PPP2R5E: variants seen among roughly 807,000 people sequenced by gnomAD.
PPP2R5E encodes the protein protein phosphatase 2 regulatory subunit B'epsilon, also known as serine/threonine-protein phosphatase 2A 56 kDa regulatory subunit epsilon isoform.
In PPP2R5E, 4 loss-of-function variants were observed where a neutral mutation model predicts 65.3. The observed-to-expected ratio is 0.06, with a 90% CI of 0.03 to 0.14. The LOEUF is 0.14. PPP2R5E is among the 10% of genes least tolerant of loss of function. The pLI is 1.00. For missense variants in PPP2R5E, 274 were observed against 556.1 expected, an observed-to-expected ratio of 0.49 and a Z score of 5.10; for synonymous variants, 183 against 187.4, an observed-to-expected ratio of 0.98 and a Z score of 0.19.
chr14:63,404,218 G>C (rs547177576), intron 5 of PPP2R5E, among the ~76,000 whole-genome samples: 2 of 152,142 alleles, frequency 1.3e-5, no homozygotes, highest in African/African-American at 4.8e-5. Flanking sequence ...AAAAGGTTTC[G>C]AGCAAAACAA....
At chr14:63,459,620 G>A (rs572194284) in intron 2 of PPP2R5E, among the ~76,000 whole-genome samples, 2 of 152,126 alleles carry the variant, frequency 1.3e-5, no homozygotes, top group African/African-American at 4.8e-5. Flanking sequence ...CTTTATTATT[G>A]TATTCAAAGA....
intron 5 of PPP2R5E, among the ~76,000 whole-genome samples, chr14:63,404,070 G>A (rs1219756991): frequency 2.0e-5 from 3 of 152,140 alleles, no homozygotes; most frequent in Admixed American, 6.5e-5. Context: ...ACTTAAGTGT[G>A]GTTACTTCTA....
At chr14:63,523,248 C>A (rs1186106127) in intron 2 of PPP2R5E, among the ~76,000 whole-genome samples, 1 of 151,940 alleles carries the variant, frequency 6.6e-6, no homozygotes, top group African/African-American at 2.4e-5. Context: ...ATGACAATGG[C>A]GGTTTTGTGG....
chr14:63,524,343 A>G (rs1893093385), intron 2 of PPP2R5E, among the ~76,000 whole-genome samples: 1 of 152,204 alleles, frequency 6.6e-6, no homozygotes, highest in Non-Finnish European at 1.5e-5. Flanking sequence ...TAAATGGCAA[A>G]CAGAGAGATG....
intron 3 of PPP2R5E, among the ~76,000 whole-genome samples, chr14:63,431,388 A>G (rs1887664321): frequency 6.6e-6 from 1 of 152,176 alleles, no homozygotes; most frequent in Non-Finnish European, 1.5e-5. Flanking sequence ...TGCCTAACAC[A>G]TTAAATATTT....
Position 63,371,897 on chromosome 14 carries a change from G to A in PPP2R5E, c.*4112C>T, listed in dbSNP as rs1883709647. 6.6e-6 allele frequency: 1 copy of A among 152,072 alleles called. No homozygotes were observed. The allele number at this position is 152,072 out of a possible 1,614,324, so 9.4% of individuals were successfully genotyped here. On this transcript the variant is annotated 3_prime_UTR_variant, in exon 14 of 14. Transcript: ENST00000337537. ...CGAAGTCCTCAAACCAAAAGCAACAGACATGTCATTCTCATTATACTTCAA... is the reference window on the plus strand; with the variant it reads ...CGAAGTCCTCAAACCAAAAGCAACAAACATGTCATTCTCATTATACTTCAA...
At chr14:63,538,118 C>CA (rs1566769827) in intron 2 of PPP2R5E, among the ~76,000 whole-genome samples, 1 of 152,026 alleles carries the variant, frequency 6.6e-6, no homozygotes, top group Non-Finnish European at 1.5e-5. Flanking sequence ...TCCATCTCTA[C>CA]AAAAAAATGG....
rs114671130 is a variant in PPP2R5E at position 63,397,079 on chromosome 14, T to A, written c.550-363A>T. On this transcript the variant is annotated intron_variant, in intron 5 of 13. Coordinates refer to ENST00000337537, the MANE Select transcript of PPP2R5E (RefSeq NM_006246.5). ...GAAGAGGAAACTGGGGCACATAGGGTTAAGTAACGTGCCCACGGTCTCACA... is the reference window on the plus strand; with the variant it reads ...GAAGAGGAAACTGGGGCACATAGGGATAAGTAACGTGCCCACGGTCTCACA... Among the ~76,000 whole-genome samples the A allele has an allele frequency of 9.5e-3, 1,444 of 152,240 alleles. 28 individuals carry two copies. Among genetic ancestry groups the A allele is most frequent in the African/African-American group, 0.033 (1,388 of 41,560 alleles).
At chr14:63,421,710 C>A (rs995906792) in intron 4 of PPP2R5E, among the ~76,000 whole-genome samples, 3 of 152,154 alleles carry the variant, frequency 2.0e-5, no homozygotes, top group Admixed American at 2.0e-4. Flanking sequence ...TTGTTGGAGG[C>A]TCTAGAGGGC....
chr14:63,466,591 G>A (rs1889812856), intron 2 of PPP2R5E, among the ~76,000 whole-genome samples: 1 of 152,142 alleles, frequency 6.6e-6, no homozygotes, highest in Admixed American at 6.5e-5. Flanking sequence ...AAATACAAAT[G>A]TAAGTCCACA....
At chr14:63,487,351 C>T (rs1158295051) in intron 2 of PPP2R5E, among the ~76,000 whole-genome samples, 1 of 150,204 alleles carries the variant, frequency 6.7e-6, no homozygotes, top group African/African-American at 2.5e-5. Context: ...TTATAATTTA[C>T]CACCCCCCCC....
At chr14:63,420,696 G>A (rs950410206) in intron 4 of PPP2R5E, among the ~76,000 whole-genome samples, 2 of 152,142 alleles carry the variant, frequency 1.3e-5, no homozygotes, top group African/African-American at 4.8e-5. Context: ...AAGTAGGGGG[G>A]AAAAACTCTT....
At chr14:63,482,012 C>T (rs1162095690) in intron 2 of PPP2R5E, among the ~76,000 whole-genome samples, 2 of 152,124 alleles carry the variant, frequency 1.3e-5, no homozygotes, top group Admixed American at 6.5e-5. Flanking sequence ...AGTAATGCAA[C>T]AGTTTAATTA....
intron 2 of PPP2R5E, among the ~76,000 whole-genome samples, chr14:63,526,373 A>G (rs180906442): frequency 1.4e-4 from 21 of 152,188 alleles, no homozygotes; most frequent in Admixed American, 1.3e-3. Context: ...AAACATCTCT[A>G]TGTTTGTATA....
intron 3 of PPP2R5E, among the ~76,000 whole-genome samples, chr14:63,448,493 C>T (rs552774058): frequency 7.2e-4 from 109 of 151,462 alleles, no homozygotes; most frequent in African/African-American, 2.6e-3. Context: ...ACAAGGTTGC[C>T]ACAAACCTTC....
intron 2 of PPP2R5E, among the ~76,000 whole-genome samples, chr14:63,495,242 G>C (rs1180750458): frequency 6.7e-6 from 1 of 149,488 alleles, no homozygotes; most frequent in South Asian, 2.1e-4. Context: ...AATATATATA[G>C]TGAGAGAGAA....
At chr14:63,415,011 T>TTA (rs111300116) in intron 5 of PPP2R5E, 129 bp downstream of exon 5, 6,001 of 439,054 alleles carry the variant, frequency 0.014, 180 homozygotes, top group African/African-American at 0.089. Flanking sequence ...TAACTTATGT[T>TTA]TATATATATA....
intron 2 of PPP2R5E, among the ~76,000 whole-genome samples, chr14:63,464,116 C>CT (rs1889653340): frequency 6.6e-6 from 1 of 152,138 alleles, no homozygotes; most frequent in African/African-American, 2.4e-5. Flanking sequence ...TTCACTCACT[C>CT]TATCATTCAC....
chr14:63,498,607 G>C (rs1891698963), intron 2 of PPP2R5E, among the ~76,000 whole-genome samples: 1 of 151,814 alleles, frequency 6.6e-6, no homozygotes, highest in South Asian at 2.1e-4. Flanking sequence ...ACCCAGGCTG[G>C]AGCGAGATGG....
Sources: gnomAD v4.1 joint callset for allele counts (sites outside exome capture counted in the v4.1 genomes callset) on GRCh38, gnomAD v4.1.1 for gene constraint, MANE v1.5 for transcripts, NCBI Gene and HGNC (gene_info 2026-07-23, HGNC 2026-07-21) for gene names.